KIF26B: variants seen among roughly 807,000 people sequenced by gnomAD.
KIF26B encodes the protein kinesin-like protein KIF26B.
A neutral mutation model predicts 151.2 loss-of-function variants in KIF26B; 63 were observed. The ratio of observed to expected loss-of-function variants is 0.42; its 90% confidence interval spans 0.34 to 0.51. The LOEUF (loss-of-function observed/expected upper bound fraction) is 0.51. Ranked by LOEUF, KIF26B falls within the 20% of genes least tolerant of loss-of-function variation. KIF26B has a pLI of 0.07. For missense variants in KIF26B, 2,813 were observed against 2,913.6 expected, an observed-to-expected ratio of 0.97 and a Z score of 0.79; for synonymous variants, 1,357 against 1,262.1, an observed-to-expected ratio of 1.08 and a Z score of -1.59.
At chr1:245,191,748 A>G (rs1010067262) in intron 2 of KIF26B, among the ~76,000 whole-genome samples, 4 of 152,222 alleles carry the variant, frequency 2.6e-5, no homozygotes, top group African/African-American at 9.6e-5. Flanking sequence ...GCTAATGTCA[A>G]CATTAAGACC....
chr1:245,409,405 G>A (rs1674219851), intron 3 of KIF26B, among the ~76,000 whole-genome samples: 1 of 152,208 alleles, frequency 6.6e-6, no homozygotes, highest in South Asian at 2.1e-4. Context: ...ATCAGGTGCT[G>A]AGGGGCCAGA....
intron 2 of KIF26B, among the ~76,000 whole-genome samples, chr1:245,266,895 T>C (rs1280151695): frequency 6.6e-6 from 1 of 152,226 alleles, no homozygotes; most frequent in African/African-American, 2.4e-5. Flanking sequence ...GTTTAGTAAC[T>C]GAAAATTCAT....
chr1:245,322,727 C>T (rs1212301315), intron 2 of KIF26B, among the ~76,000 whole-genome samples: 3 of 152,022 alleles, frequency 2.0e-5, no homozygotes, highest in African/African-American at 7.2e-5. Context: ...GACAAAGAGA[C>T]GAAGGATCAT....
At chr1:245,216,858 C>G (rs1669656936) in intron 2 of KIF26B, among the ~76,000 whole-genome samples, 1 of 152,220 alleles carries the variant, frequency 6.6e-6, no homozygotes, top group Non-Finnish European at 1.5e-5. Context: ...TCAACTGCGT[C>G]TGCAGTTTTT....
At chr1:245,346,512 G>A (rs542213121) in intron 2 of KIF26B, among the ~76,000 whole-genome samples, 3 of 152,162 alleles carry the variant, frequency 2.0e-5, no homozygotes, top group East Asian at 3.9e-4. Context: ...GTGGATTGAC[G>A]CTCCTGGAGT....
At chr1:245,699,494 G>GAAAAA (rs774959523) in intron 14 of KIF26B, among the ~76,000 whole-genome samples, 2 of 128,668 alleles carry the variant, frequency 1.6e-5, no homozygotes, top group African/African-American at 5.6e-5. Context: ...TTTTTGAGTG[G>GAAAAA]AAAAAAAAAA....
chr1:245,554,394 C>G (rs749904072), intron 5 of KIF26B, among the ~76,000 whole-genome samples: 2 of 152,162 alleles, frequency 1.3e-5, no homozygotes, highest in Non-Finnish European at 2.9e-5. Context: ...TATCATTTAC[C>G]CATCACCTCT....
At chr1:245,625,415 G>A (rs550376465) in intron 9 of KIF26B, among the ~76,000 whole-genome samples, 34 of 152,322 alleles carry the variant, frequency 2.2e-4, no homozygotes, top group African/African-American at 7.7e-4. Context: ...CAGGAGCACA[G>A]TATCTCTCTC....
intron 4 of KIF26B, among the ~76,000 whole-genome samples, chr1:245,506,698 G>C (rs1660733738): frequency 6.6e-6 from 1 of 152,138 alleles, no homozygotes; most frequent in Non-Finnish European, 1.5e-5. Context: ...TGTTTGTTTT[G>C]TGACAAAGTT....
chr1:245,643,787 T>C (rs567202637), intron 9 of KIF26B, among the ~76,000 whole-genome samples: 2 of 152,326 alleles, frequency 1.3e-5, no homozygotes, highest in African/African-American at 4.8e-5. Flanking sequence ...TATTTCTAAC[T>C]TGACAGTTTT....
chr1:245,194,433 C>T (rs987195158), intron 2 of KIF26B, among the ~76,000 whole-genome samples: 1 of 152,114 alleles, frequency 6.6e-6, no homozygotes, highest in African/African-American at 2.4e-5. Flanking sequence ...GAGTCTTCCT[C>T]ATGCAGCGGT....
intron 9 of KIF26B, among the ~76,000 whole-genome samples, chr1:245,618,956 A>G (rs1432650595): frequency 7.4e-6 from 1 of 134,792 alleles, no homozygotes; most frequent in African/African-American, 3.0e-5. Context: ...AGAGTGCCAC[A>G]GTCCTGGGGC....
intron 2 of KIF26B, among the ~76,000 whole-genome samples, chr1:245,233,301 T>G (rs991930907): frequency 2.0e-5 from 3 of 152,208 alleles, no homozygotes; most frequent in Admixed American, 2.0e-4. Context: ...CAAGAAATAT[T>G]CTACTTTGTA....
At chr1:245,646,736 GCACCC>G (rs1490728083) in intron 10 of KIF26B, among the ~76,000 whole-genome samples, 1 of 152,154 alleles carries the variant, frequency 6.6e-6, no homozygotes, top group African/African-American at 2.4e-5. Context: ...TTATAAGTAT[GCACCC>G]CAACATTGCA....
At chr1:245,486,811 C>T (rs1030482460) in intron 4 of KIF26B, among the ~76,000 whole-genome samples, 2 of 152,212 alleles carry the variant, frequency 1.3e-5, no homozygotes, top group African/African-American at 4.8e-5. Context: ...GCTGGAACCA[C>T]AGGCACATGC....
chr1:245,284,025 A>C (rs951293601), intron 2 of KIF26B, among the ~76,000 whole-genome samples: 1 of 152,208 alleles, frequency 6.6e-6, no homozygotes, highest in South Asian at 2.1e-4. Flanking sequence ...TCCCTACGCA[A>C]TGCGGCTTCC....
At chr1:245,462,012 A>G (rs1389034474) in intron 4 of KIF26B, among the ~76,000 whole-genome samples, 1 of 152,164 alleles carries the variant, frequency 6.6e-6, no homozygotes, top group African/African-American at 2.4e-5. Flanking sequence ...GCATGCCTGT[A>G]GTCCCAGGTA....
intron 2 of KIF26B, among the ~76,000 whole-genome samples, chr1:245,354,226 A>G (rs1672631406): frequency 6.6e-6 from 1 of 152,248 alleles, no homozygotes; most frequent in Non-Finnish European, 1.5e-5. Flanking sequence ...TTATACCTTC[A>G]AGATGACTTT....
chr1:245,155,585 C>G (rs1046880429), intron 1 of KIF26B, 98 bp downstream of exon 1: 28 of 1,124,020 alleles, frequency 2.5e-5, no homozygotes, highest in Non-Finnish European at 3.0e-5. Context: ...CCCGAGCTCT[C>G]CCCCGCTGCA....
Sources: gnomAD v4.1 joint callset for allele counts (sites outside exome capture counted in the v4.1 genomes callset) on GRCh38, gnomAD v4.1.1 for gene constraint, MANE v1.5 for transcripts, NCBI Gene and HGNC (gene_info 2026-07-23, HGNC 2026-07-21) for gene names.